MCF2L2: variants seen among roughly 807,000 people sequenced by gnomAD.
The protein encoded by MCF2L2 is MCF.2 cell line derived transforming sequence-like 2.
MCF2L2 carries 102 observed loss-of-function variants against 150.2 expected under a neutral mutation model. The ratio of observed to expected loss-of-function variants is 0.68; its 90% CI spans 0.58 to 0.80. The LOEUF (loss-of-function observed/expected upper bound fraction) is 0.80. MCF2L2 is among the 30% of genes least tolerant of loss of function. The probability of loss-of-function intolerance (pLI) is 0.00; values close to 1 mark genes in which losing one functional copy is unlikely to be tolerated. For synonymous variants in MCF2L2, 465 were observed against 491.3 expected (o/e 0.95, Z 0.71); for missense variants, 1,256 against 1,372.8 (o/e 0.91, Z 1.34).
At chr3:183,337,568 A>G (rs78411164) in intron 5 of MCF2L2, among the ~76,000 whole-genome samples, 7,576 of 151,052 alleles carry the variant, frequency 0.05, 221 homozygotes, top group East Asian at 0.12. Context: ...AAAAAAAAAA[A>G]AAGAAGAAAA....
chr3:183,207,554 ATC>A, intron 23 of MCF2L2, 52 bp downstream of exon 23: 2 of 1,358,732 alleles, frequency 1.5e-6, no homozygotes, highest in Non-Finnish European at 2.1e-6. Context: ...AAGGAAAACG[ATC>A]TCTCTCTTTT....
chr3:183,273,335 T>C (rs1282928295), intron 15 of MCF2L2: 2 of 246,404 alleles, frequency 8.1e-6, no homozygotes, highest in Non-Finnish European at 1.7e-5. Flanking sequence ...GGCAAAATAA[T>C]TAGTGAGTTT....
At chr3:183,418,088 T>C (rs1715692350) in intron 1 of MCF2L2, among the ~76,000 whole-genome samples, 1 of 152,130 alleles carries the variant, frequency 6.6e-6, no homozygotes. Flanking sequence ...CTTGGGAGGC[T>C]GAGGCAGAAG....
chr3:183,319,114 C>T (rs551300894), intron 6 of MCF2L2, among the ~76,000 whole-genome samples: 2 of 152,364 alleles, frequency 1.3e-5, no homozygotes, highest in African/African-American at 4.8e-5. Context: ...AGTTAATCCT[C>T]TCAAACTCTG....
intron 3 of MCF2L2, chr3:183,374,440 C>T (rs143859040): frequency 0.047 from 7,157 of 152,332 alleles, 278 homozygotes; most frequent in Non-Finnish European, 0.068. Context: ...GAGGCTGAGG[C>T]GGGCGGATCA....
At chr3:183,220,608 T>C (rs1052537630) in intron 20 of MCF2L2, among the ~76,000 whole-genome samples, 2 of 152,246 alleles carry the variant, frequency 1.3e-5, no homozygotes, top group African/African-American at 4.8e-5. Context: ...TATTTCCAAG[T>C]TCTTCAGAGA....
intron 13 of MCF2L2, among the ~76,000 whole-genome samples, chr3:183,295,096 T>C (rs942720981): frequency 6.6e-6 from 1 of 152,210 alleles, no homozygotes; most frequent in Non-Finnish European, 1.5e-5. Flanking sequence ...CTTCAGTAGA[T>C]TGTGTGTTTC....
At chr3:183,286,335 G>A (rs934738662) in intron 14 of MCF2L2, among the ~76,000 whole-genome samples, 1 of 152,046 alleles carries the variant, frequency 6.6e-6, no homozygotes, top group Non-Finnish European at 1.5e-5. Flanking sequence ...AGACTGGCTG[G>A]GTTTCATTTC....
In MCF2L2 at chr3:183,386,779, C is replaced by T. The variant is rs533462068; in HGVS notation, c.160+2917G>A. ...ACAGCAACAACTATACAGGCCCCCA[C>T]AACAGCCTCCTTGCTGACACTTGCT... On this transcript the variant is annotated intron_variant, in intron 2 of 29. Coordinates refer to ENST00000328913, the MANE Select transcript of MCF2L2 (RefSeq NM_015078.4). Among the ~76,000 whole-genome samples, 29 of 152,330 alleles carry T rather than the reference C, an allele frequency of 1.9e-4. No homozygotes were observed. The East Asian group carries it at 5.4e-3, about 28-fold the overall frequency.
chr3:183,235,633 T>C (rs1723790766), intron 15 of MCF2L2, among the ~76,000 whole-genome samples: 1 of 106,706 alleles, frequency 9.4e-6, no homozygotes, highest in Non-Finnish European at 1.7e-5. Flanking sequence ...GAAAATTTTC[T>C]CCCATGTTGT....
Position 183,193,076 on chromosome 3 carries a change from G to T in MCF2L2, c.2939C>A (p.Ser980Tyr). The change falls in exon 27 of 30, where the codon TCC (serine) becomes TAC (tyrosine). Residue 980 changes from serine (S) to tyrosine (Y), a missense_variant. Ser to Tyr is a moderately radical substitution (Grantham distance 144, BLOSUM62 -2). Coordinates refer to ENST00000328913, the MANE Select transcript of MCF2L2 (RefSeq NM_015078.4). ...TTCCATATTTTTAATCCATGGTCCGGATCCTGCTCCACTGCCTTTGCTTTA... is the reference window on the plus strand; with the variant it reads ...TTCCATATTTTTAATCCATGGTCCGTATCCTGCTCCACTGCCTTTGCTTTA... The part of the protein sequence containing the change: ...MSTSKGSGAG[S>Y]GPWIKNMERA... 6.2e-7 allele frequency: 1 copy of T among 1,613,972 alleles called. No individual in the cohort carries two copies. Among genetic ancestry groups the T allele is most frequent in the Non-Finnish European group, 8.5e-7 (1 of 1,179,926 alleles).
chr3:183,320,750 A>G (rs1462247663), intron 6 of MCF2L2, among the ~76,000 whole-genome samples: 2 of 152,218 alleles, frequency 1.3e-5, no homozygotes, highest in East Asian at 1.9e-4. Flanking sequence ...GTTTCCATCA[A>G]GAACTTTTCC....
chr3:183,220,667 C>T (rs1723115741), intron 20 of MCF2L2, among the ~76,000 whole-genome samples: 2 of 152,212 alleles, frequency 1.3e-5, no homozygotes, highest in African/African-American at 2.4e-5. Context: ...TCACCAGCCC[C>T]TAGCCTACAA....
chr3:183,401,544 T>C (rs1247773357), intron 1 of MCF2L2, among the ~76,000 whole-genome samples: 1 of 152,208 alleles, frequency 6.6e-6, no homozygotes, highest in East Asian at 1.9e-4. Context: ...CATCCCTCTT[T>C]CAAGATGCAG....
intron 25 of MCF2L2, among the ~76,000 whole-genome samples, chr3:183,205,453 G>T (rs1285649126): frequency 6.6e-6 from 1 of 152,162 alleles, no homozygotes; most frequent in Non-Finnish European, 1.5e-5. Context: ...ATTGAGCCTT[G>T]TGAATAATCT....
In MCF2L2 at chr3:183,310,981, C is replaced by T; in HGVS notation, c.927G>A (p.Trp309Ter). The T allele has an allele frequency of 6.2e-7, 1 of 1,613,946 alleles. No individual in the cohort carries two copies. Among genetic ancestry groups the T allele is most frequent in the South Asian group, 1.1e-5 (1 of 91,066 alleles). Residue 309 changes from tryptophan to a stop codon, truncating the protein, a stop_gained, in exon 9 of 30, where the codon TGG becomes TGA. Coordinates refer to ENST00000328913, the MANE Select transcript of MCF2L2 (RefSeq NM_015078.4). LOFTEE classifies it high-confidence loss of function. ...DETEKAFSHF[W>*]SEHHLKLNQC... Reference sequence around the variant, plus strand: ...GGTTAAGCTTCAGATGATGCTCAGACCAAAAGTGACTAAAGGCTTTTTCTG... The same window carrying T: ...GGTTAAGCTTCAGATGATGCTCAGATCAAAAGTGACTAAAGGCTTTTTCTG...
At chr3:183,275,405 G>A (rs1727105680) in intron 15 of MCF2L2, among the ~76,000 whole-genome samples, 2 of 152,168 alleles carry the variant, frequency 1.3e-5, no homozygotes, top group Admixed American at 6.5e-5. Context: ...GTGATCTTAA[G>A]GTATTTAGTC....
At chr3:183,234,687 C>CT (rs71185647) in intron 15 of MCF2L2, among the ~76,000 whole-genome samples, 10,003 of 84,498 alleles carry the variant, frequency 0.12, 603 homozygotes, top group Middle Eastern at 0.21. Flanking sequence ...ATGTATGACT[C>CT]TTTTTTTTTT....
At chr3:183,320,884 A>G (rs1032288347) in intron 6 of MCF2L2, among the ~76,000 whole-genome samples, 5 of 152,220 alleles carry the variant, frequency 3.3e-5, no homozygotes, top group South Asian at 4.1e-4. Flanking sequence ...AGTGAGAGAC[A>G]GGCCATTCTT....
Sources: allele counts gnomAD v4.1 joint callset (sites outside exome capture counted in the v4.1 genomes callset), GRCh38; gene constraint gnomAD v4.1.1; transcripts MANE v1.5; gene names NCBI Gene and HGNC (gene_info 2026-07-23, HGNC 2026-07-21).